The following FOXP1 variants were observed in gnomAD, a reference collection of about 807,000 sequenced individuals.
The protein encoded by FOXP1 is forkhead box P1.
FOXP1 carries 15 observed loss-of-function variants against 98.2 expected under a neutral mutation model. The observed-to-expected ratio is 0.15, with a 90% CI of 0.10 to 0.24. The LOEUF is 0.24. Ranked by LOEUF, FOXP1 falls within the 10% of genes least tolerant of loss-of-function variation. The pLI, the probability that FOXP1 is intolerant of heterozygous loss-of-function variation, is 1.00. For missense variants in FOXP1, 633 were observed against 848.5 expected, an observed-to-expected ratio of 0.75 and a Z score of 3.15; for synonymous variants, 371 against 314.5, an observed-to-expected ratio of 1.18 and a Z score of -1.90.
chr3:71,102,412 T>G (rs190445585), intron 7 of FOXP1, among the ~76,000 whole-genome samples: 2 of 152,310 alleles, frequency 1.3e-5, no homozygotes, highest in East Asian at 3.9e-4. Context: ...ATATCACAGC[T>G]CAGTAACAAA....
At chr3:71,019,185 T>G (rs999112617) in intron 11 of FOXP1, among the ~76,000 whole-genome samples, 8 of 152,198 alleles carry the variant, frequency 5.3e-5, no homozygotes, top group Admixed American at 6.5e-5. Flanking sequence ...GAGAATAATG[T>G]TTTTATCTTG....
chr3:71,404,120 CTT>C (rs869086663), intron 3 of FOXP1, among the ~76,000 whole-genome samples: 2 of 62,702 alleles, frequency 3.2e-5, no homozygotes, highest in East Asian at 4.9e-4. Context: ...TTTTCTTTTT[CTT>C]TTTTTTTTTT....
At chr3:71,252,225 G>A (rs919939527) in intron 5 of FOXP1, among the ~76,000 whole-genome samples, 7 of 152,190 alleles carry the variant, frequency 4.6e-5, no homozygotes, top group Admixed American at 4.6e-4. Flanking sequence ...GCCATCTTGT[G>A]GCCCAGAGGG....
chr3:71,539,412 C>T lies in FOXP1; in HGVS notation c.-298+42137G>A, dbSNP rs113541332. Among the ~76,000 whole-genome samples, 898 of 151,042 alleles carry T rather than the reference C, an allele frequency of 5.9e-3. 6 individuals carry two copies. Among genetic ancestry groups the T allele is most frequent in the African/African-American group, 0.019 (799 of 41,078 alleles). ...CTGGGATTACAGGCGTGAGCCGCCG[C>T]GCTCGGTCATCTCTGTTCTTTTTCA... On this transcript the variant is annotated intron_variant, in intron 2 of 20. Coordinates refer to ENST00000649528, the MANE Select transcript of FOXP1 (RefSeq NM_001349338.3).
Position 71,542,623 on chromosome 3 carries a change from G to A in FOXP1, c.-298+38926C>T, listed in dbSNP as rs539101188. 7.2e-5 allele frequency among the ~76,000 whole-genome samples: 11 copies of A among 152,340 alleles called. No individual in the cohort carries two copies. In the South Asian group the frequency reaches 1.4e-3, roughly 20 times the overall value. On this transcript the variant is annotated intron_variant, in intron 2 of 20. Transcript: ENST00000649528. ...ACACAGTTCATGACTTTTCTAAGAC[G>A]GCTGTGTGCCACATCTGCAGTTGAT...
chr3:71,570,916 C>G (rs2047289795), intron 2 of FOXP1: 1 of 152,160 alleles, frequency 6.6e-6, no homozygotes, highest in Admixed American at 6.5e-5. Flanking sequence ...ACAGCTGGCC[C>G]CAGCCTGGGT....
At chr3:71,138,833 A>C (rs1425070028) in intron 6 of FOXP1, among the ~76,000 whole-genome samples, 1 of 152,162 alleles carries the variant, frequency 6.6e-6, no homozygotes, top group African/African-American at 2.4e-5. Context: ...TACTGCATTA[A>C]TTCTTAAGAA....
chr3:71,284,052 T>C (rs1179953018), intron 5 of FOXP1, among the ~76,000 whole-genome samples: 1 of 152,092 alleles, frequency 6.6e-6, no homozygotes, highest in Non-Finnish European at 1.5e-5. Context: ...AAGAATTAAA[T>C]AAAAATTTTT....
At chr3:71,268,746 C>T (rs1284451133) in intron 5 of FOXP1, among the ~76,000 whole-genome samples, 3 of 152,138 alleles carry the variant, frequency 2.0e-5, no homozygotes, top group South Asian at 2.1e-4. Context: ...ACCCAAAGGG[C>T]GGTTATCGCT....
intron 3 of FOXP1, among the ~76,000 whole-genome samples, chr3:71,491,702 G>A (rs73837358): frequency 0.28 from 42,636 of 151,950 alleles, 6,343 homozygotes; most frequent in Non-Finnish European, 0.33. Context: ...GTGCCTTTTC[G>A]AGCCAATAGC....
At chr3:71,515,572 C>T (rs2042523769) in intron 2 of FOXP1, among the ~76,000 whole-genome samples, 1 of 151,784 alleles carries the variant, frequency 6.6e-6, no homozygotes, top group South Asian at 2.1e-4. Context: ...CATCAAAATG[C>T]CTTTGCCAGA....
At chr3:71,064,882 G>A in intron 7 of FOXP1, 2 of 915,914 alleles carry the variant, frequency 2.2e-6, no homozygotes, top group Non-Finnish European at 2.6e-6. Context: ...GCCCGCGCGG[G>A]CCGGGCGTGG....
Position 71,053,665 on chromosome 3 carries a change from G to C in FOXP1, c.391C>G (p.Gln131Glu). ...TGAAGCATGAGGGCCTGCTGCTGCT[G>C]GAGGAGAACCTGGAGCTGCTGAGGG... ...LSPQQLQVLL[Q>E]QQQALMLQQQ... is the part of the protein sequence containing the mutation. Residue 131 changes from glutamine to glutamate, a missense_variant, in exon 8 of 21, where the codon CAG (glutamine) becomes GAG (glutamate). This residue lies in a region of FOXP1 where 210 missense variants were observed against 270.6 expected (regional missense o/e 0.78). Transcript: ENST00000649528. The C allele has an allele frequency of 6.2e-7, 1 of 1,614,118 alleles. No homozygotes were observed. Among genetic ancestry groups the C allele is most frequent in the Middle Eastern group, 1.7e-4 (1 of 6,060 alleles).
chr3:71,173,082 C>T (rs1446943143), intron 6 of FOXP1, among the ~76,000 whole-genome samples: 1 of 152,084 alleles, frequency 6.6e-6, no homozygotes, highest in Non-Finnish European at 1.5e-5. Flanking sequence ...TCGCAAGAGC[C>T]CATGCATTTT....
At chr3:71,462,224 G>A (rs1348983645) in intron 3 of FOXP1, among the ~76,000 whole-genome samples, 2 of 152,158 alleles carry the variant, frequency 1.3e-5, no homozygotes, top group Non-Finnish European at 2.9e-5. Context: ...GTAAAAAATG[G>A]GAATGCTAAA....
intron 5 of FOXP1, among the ~76,000 whole-genome samples, chr3:71,268,490 G>A (rs1317044801): frequency 3.3e-5 from 5 of 152,002 alleles, no homozygotes; most frequent in African/African-American, 7.3e-5. Flanking sequence ...AATTAAAACC[G>A]ATCTTCTTCT....
At chr3:71,343,554 A>T (rs986217123) in intron 4 of FOXP1, among the ~76,000 whole-genome samples, 7 of 116,406 alleles carry the variant, frequency 6.0e-5, no homozygotes, top group Non-Finnish European at 6.7e-5. Context: ...TCTCAATTAG[A>T]TTTTTTTTTT....
intron 9 of FOXP1, among the ~76,000 whole-genome samples, chr3:71,052,192 T>G (rs1464063056): frequency 6.6e-6 from 1 of 150,636 alleles, no homozygotes; most frequent in African/African-American, 2.4e-5. Flanking sequence ...AAATTAAGTG[T>G]GCATCCAAGT....
At chr3:70,970,452 A>G (rs983001542) in intron 19 of FOXP1, 5 of 445,296 alleles carry the variant, frequency 1.1e-5, no homozygotes, top group Admixed American at 1.0e-4. Flanking sequence ...TTTTGCCTCA[A>G]GTGAAATTCT....
Sources: allele counts gnomAD v4.1 joint callset (sites outside exome capture counted in the v4.1 genomes callset), GRCh38; gene constraint gnomAD v4.1.1; regional missense constraint gnomAD v4.1.1; transcripts MANE v1.5; gene names NCBI Gene and HGNC (gene_info 2026-07-23, HGNC 2026-07-21).